KIAA0825: variants seen among roughly 807,000 people sequenced by gnomAD.
KIAA0825 encodes uncharacterized protein KIAA0825.
In KIAA0825, 119 loss-of-function variants were observed where a neutral mutation model predicts 147.6. The ratio of observed to expected loss-of-function variants is 0.81; its 90% CI spans 0.69 to 0.94. The LOEUF (loss-of-function observed/expected upper bound fraction) is 0.94. Among genes scored for constraint, KIAA0825 ranks in the 40% least tolerant of loss-of-function variants. The pLI, the probability that KIAA0825 is intolerant of heterozygous loss-of-function variation, is 0.00. For missense variants in KIAA0825, 1,381 were observed against 1,472.7 expected (o/e 0.94, Z 1.02); for synonymous variants, 470 against 518.1 (o/e 0.91, Z 1.26).
chr5:94,538,972 A>G (rs908411386), intron 2 of KIAA0825, among the ~76,000 whole-genome samples: 2 of 152,244 alleles, frequency 1.3e-5, no homozygotes, highest in Non-Finnish European at 2.9e-5. Context: ...GCTGGGTAAA[A>G]TAAGGCTGAG....
At chr5:94,242,827 T>A (rs189274685) in intron 20 of KIAA0825, among the ~76,000 whole-genome samples, 1 of 152,138 alleles carries the variant, frequency 6.6e-6, no homozygotes, top group South Asian at 2.1e-4. Context: ...GGTTTTGCTA[T>A]GTTGTCTGGT....
At chr5:94,527,427 T>C (rs897652774) in intron 3 of KIAA0825, among the ~76,000 whole-genome samples, 4 of 152,020 alleles carry the variant, frequency 2.6e-5, no homozygotes, top group African/African-American at 4.8e-5. Context: ...GTATGTTCCA[T>C]TGGTAAATTA....
intron 5 of KIAA0825, among the ~76,000 whole-genome samples, chr5:94,498,785 G>A (rs1232575879): frequency 6.6e-6 from 1 of 152,098 alleles, no homozygotes; most frequent in South Asian, 2.1e-4. Flanking sequence ...GTACTGTCTG[G>A]ACTGCAAGGG....
At chr5:94,469,791 T>A (rs946438788) in intron 10 of KIAA0825, among the ~76,000 whole-genome samples, 170 bp downstream of exon 10, 3 of 152,230 alleles carry the variant, frequency 2.0e-5, no homozygotes, top group African/African-American at 7.2e-5. Flanking sequence ...TTATTTCAGG[T>A]TTTTAAAAAC....
intron 14 of KIAA0825, among the ~76,000 whole-genome samples, chr5:94,432,683 G>A (rs1380115748): frequency 1.3e-5 from 2 of 152,074 alleles, no homozygotes; most frequent in Non-Finnish European, 1.5e-5. Flanking sequence ...GCTAACAATG[G>A]GTTATTTTAG....
intron 14 of KIAA0825, among the ~76,000 whole-genome samples, chr5:94,436,242 G>GT (rs1756357992): frequency 6.6e-6 from 1 of 152,002 alleles, no homozygotes; most frequent in Non-Finnish European, 1.5e-5. Context: ...TTCTTCTAGG[G>GT]TTTTTATGGT....
intron 2 of KIAA0825, among the ~76,000 whole-genome samples, chr5:94,573,015 G>C (rs981474357): frequency 1.3e-5 from 2 of 151,906 alleles, no homozygotes; most frequent in South Asian, 2.1e-4. Context: ...AAGGTGGTCA[G>C]GGTACCGCTT....
intron 20 of KIAA0825, among the ~76,000 whole-genome samples, chr5:94,282,379 A>C (rs549960408): frequency 6.6e-6 from 1 of 152,220 alleles, no homozygotes; most frequent in East Asian, 1.9e-4. Context: ...AAAAAGAAAG[A>C]ACTGTCCTGC....
chr5:94,428,965 C>T (rs988536297), intron 14 of KIAA0825, among the ~76,000 whole-genome samples: 14 of 151,868 alleles, frequency 9.2e-5, no homozygotes, highest in African/African-American at 3.4e-4. Flanking sequence ...AGATTTTTTT[C>T]TTCTAATTGG....
intron 2 of KIAA0825, among the ~76,000 whole-genome samples, chr5:94,577,352 G>A (rs1217407743): frequency 6.6e-6 from 1 of 152,194 alleles, no homozygotes; most frequent in Non-Finnish European, 1.5e-5. Flanking sequence ...GACAAAGACA[G>A]TATCAAAGAG....
chr5:94,377,428 A>C (rs982230151), intron 20 of KIAA0825, among the ~76,000 whole-genome samples: 1 of 152,258 alleles, frequency 6.6e-6, no homozygotes, highest in Non-Finnish European at 1.5e-5. Context: ...TGACAAAGAA[A>C]ACAATATCAA....
At chr5:94,444,233 C>T (rs1757459594) in intron 13 of KIAA0825, among the ~76,000 whole-genome samples, 4 of 152,030 alleles carry the variant, frequency 2.6e-5, no homozygotes, top group Non-Finnish European at 4.4e-5. Flanking sequence ...GGTATACACA[C>T]CTCTACCAGG....
rs977159847 is a variant in KIAA0825 at position 94,465,793 on chromosome 5, C to T, written c.1873-734G>A. ...CCCCTGTACAGATCTCTTCTGTGTG[C>T]CAAATTTTCCGACTGCAGAGGAAGA... On this transcript the variant is annotated intron_variant, in intron 10 of 20. Transcript: ENST00000682413. Among the ~76,000 whole-genome samples the T allele has an allele frequency of 5.9e-5, 9 of 152,254 alleles. 2 individuals are homozygous for T.
chr5:94,612,229 G>A (rs1789032612), intron 1 of KIAA0825, among the ~76,000 whole-genome samples: 1 of 152,090 alleles, frequency 6.6e-6, no homozygotes, highest in South Asian at 2.1e-4. Flanking sequence ...GGCAGGAGGG[G>A]GTGGCACAGG....
At chr5:94,300,035 A>G (rs1240089369) in intron 20 of KIAA0825, among the ~76,000 whole-genome samples, 4 of 152,134 alleles carry the variant, frequency 2.6e-5, no homozygotes, top group African/African-American at 9.6e-5. Flanking sequence ...CAAATGAATA[A>G]CCATATTATT....
chr5:94,299,802 G>A (rs1402415672), intron 20 of KIAA0825, among the ~76,000 whole-genome samples: 3 of 152,114 alleles, frequency 2.0e-5, no homozygotes, highest in Admixed American at 6.6e-5. Flanking sequence ...GCATTCATGA[G>A]TTCCTTAGCT....
At chr5:94,393,076 G>C (rs567775708) in intron 17 of KIAA0825, among the ~76,000 whole-genome samples, 1 of 152,228 alleles carries the variant, frequency 6.6e-6, no homozygotes, top group East Asian at 1.9e-4. Flanking sequence ...GTCAGCTCCT[G>C]AATTGTATCC....
chr5:94,396,021 C>A (rs1750608902), intron 17 of KIAA0825, 80 bp downstream of exon 17: 1 of 1,299,076 alleles, frequency 7.7e-7, no homozygotes. Flanking sequence ...GCCCATCTGA[C>A]AATATATTGT....
At chr5:94,509,657 A>G (rs1188504605) in intron 5 of KIAA0825, among the ~76,000 whole-genome samples, 2 of 152,248 alleles carry the variant, frequency 1.3e-5, no homozygotes, top group African/African-American at 4.8e-5. Context: ...CTGGAGGTAA[A>G]GCTTCAACCA....
Sources: allele counts gnomAD v4.1 joint callset (sites outside exome capture counted in the v4.1 genomes callset), GRCh38; gene constraint gnomAD v4.1.1; transcripts MANE v1.5; gene names NCBI Gene and HGNC (gene_info 2026-07-23, HGNC 2026-07-21).